Variants in SHISAL2A observed in about 807,000 individuals in gnomAD.
SHISAL2A encodes protein shisa-like-2A.
In SHISAL2A, 18 loss-of-function variants were observed where a neutral mutation model predicts 11.5. The observed-to-expected ratio is 1.57, with a 90% CI of 1.08 to 2.33. The LOEUF is 2.33. Ranked by LOEUF, SHISAL2A falls within the 30% of genes most tolerant of loss-of-function variation. SHISAL2A has a pLI of 0.00. For synonymous variants in SHISAL2A, 94 were observed against 99.6 expected, an observed-to-expected ratio of 0.94 and a Z score of 0.34; for missense variants, 261 against 250.9, an observed-to-expected ratio of 1.04 and a Z score of -0.27.
chr1:52,639,040 G>A (rs759022014), intron 1 of SHISAL2A, among the ~76,000 whole-genome samples: 6 of 152,154 alleles, frequency 3.9e-5, no homozygotes, highest in Non-Finnish European at 7.4e-5. Flanking sequence ...CGGTGTGGTG[G>A]CACATGCCTG....
intron 4 of SHISAL2A, among the ~76,000 whole-genome samples, chr1:52,663,044 G>C (rs1218747755): frequency 6.6e-6 from 1 of 152,108 alleles, no homozygotes; most frequent in Non-Finnish European, 1.5e-5. Context: ...CTCCAGCTCC[G>C]GGTTCTCAAG....
intron 4 of SHISAL2A, among the ~76,000 whole-genome samples, chr1:52,664,548 G>GA (rs1015851440): frequency 6.0e-5 from 7 of 116,388 alleles, no homozygotes; most frequent in African/African-American, 9.9e-5. Flanking sequence ...AGTAGAGACG[G>GA]GGTTTCTCCA....
At chr1:52,666,977 C>A (rs1447400040) in intron 4 of SHISAL2A, among the ~76,000 whole-genome samples, 1 of 152,246 alleles carries the variant, frequency 6.6e-6, no homozygotes, top group East Asian at 1.9e-4. Context: ...CCTCTGCTAA[C>A]TGCCACCAGA....
At chr1:52,646,081 AT>A (rs1691494385) in intron 2 of SHISAL2A, among the ~76,000 whole-genome samples, 1 of 152,214 alleles carries the variant, frequency 6.6e-6, no homozygotes, top group South Asian at 2.1e-4. Flanking sequence ...CTGAGTACAA[AT>A]TTGTTCCCCT....
At chr1:52,653,760 A>T (rs1005049753) in intron 2 of SHISAL2A, among the ~76,000 whole-genome samples, 1 of 151,762 alleles carries the variant, frequency 6.6e-6, no homozygotes, top group African/African-American at 2.4e-5. Flanking sequence ...TTTTTTTGAG[A>T]CAGGGCCTTG....
intron 1 of SHISAL2A, among the ~76,000 whole-genome samples, chr1:52,642,661 T>G (rs1691392429): frequency 6.6e-6 from 1 of 152,204 alleles, no homozygotes; most frequent in Non-Finnish European, 1.5e-5. Context: ...TGACCCTAAG[T>G]GATCTGCCCG....
intron 2 of SHISAL2A, among the ~76,000 whole-genome samples, chr1:52,656,499 G>A (rs145790676): frequency 6.6e-6 from 1 of 152,260 alleles, no homozygotes; most frequent in East Asian, 1.9e-4. Flanking sequence ...TCTATAAAAT[G>A]GATTTCTAAT....
intron 2 of SHISAL2A, among the ~76,000 whole-genome samples, chr1:52,655,176 A>G (rs180707580): frequency 6.6e-6 from 1 of 152,220 alleles, no homozygotes; most frequent in East Asian, 1.9e-4. Flanking sequence ...ACAGAGTGAT[A>G]TGTCTCAATA....
intron 4 of SHISAL2A, among the ~76,000 whole-genome samples, chr1:52,662,640 C>T (rs1299141061): frequency 2.0e-5 from 3 of 151,144 alleles, no homozygotes; most frequent in South Asian, 2.1e-4. Context: ...CGTGAGGTAC[C>T]GCCCCCCCAC....
rs559997951 is a variant in SHISAL2A, at chr1:52,665,385, A to C, written n.696-2014A>C. ...GAGGTCAAGGTCTGAAGGCCAGGGCAGGGTGGGGACAGAGGTCAGCAGGAG... is the reference window on the plus strand; with the variant it reads ...GAGGTCAAGGTCTGAAGGCCAGGGCCGGGTGGGGACAGAGGTCAGCAGGAG... On this transcript the variant is annotated intron_variant and non_coding_transcript_variant, in intron 4 of 5. Coordinates refer to the SHISAL2A transcript ENST00000401050. Among the ~76,000 whole-genome samples, 204 of 152,282 alleles carry C rather than the reference A, an allele frequency of 1.3e-3. 1 individual carries two copies. The highest frequency in any genetic ancestry group is 4.7e-3 in the African/African-American group (194 of 41,574).
In SHISAL2A at chr1:52,640,368, G is replaced by A. The variant is rs561911446; in HGVS notation, c.183-2495G>A. Reference sequence around the variant, plus strand: ...TGATGCCACCTATACCTTCTCATTGGGAGAGTGTTCCATAACACCTGACAC... The same window carrying A: ...TGATGCCACCTATACCTTCTCATTGAGAGAGTGTTCCATAACACCTGACAC... On this transcript the variant is annotated intron_variant, in intron 1 of 2. Coordinates refer to ENST00000517870, the MANE Select transcript of SHISAL2A (RefSeq NM_001042693.3). Among the ~76,000 whole-genome samples, 2 of 152,266 alleles carry A rather than the reference G, an allele frequency of 1.3e-5. 1 individual carries two copies. Among genetic ancestry groups the A allele is most frequent in the South Asian group, 4.1e-4 (2 of 4,826 alleles).
At chr1:52,644,127 A>ATC (rs1691437852) in intron 2 of SHISAL2A, among the ~76,000 whole-genome samples, 1 of 152,096 alleles carries the variant, frequency 6.6e-6, no homozygotes, top group African/African-American at 2.4e-5. Flanking sequence ...TACAGCTCAC[A>ATC]TCTGTCTGCC....
At chr1:52,658,817 C>T (rs1305618669), downstream of SHISAL2A, among the ~76,000 whole-genome samples, 1 of 152,196 alleles carries the variant, frequency 6.6e-6, no homozygotes, top group African/African-American at 2.4e-5. Flanking sequence ...TCAGCAGCCA[C>T]CAAAAGCAGC....
At chr1:52,664,791 C>A (rs1691978265) in intron 4 of SHISAL2A, among the ~76,000 whole-genome samples, 2 of 151,858 alleles carry the variant, frequency 1.3e-5, no homozygotes, top group African/African-American at 4.8e-5. Flanking sequence ...CCGCTGCACC[C>A]CGGCTATTTT....
chr1:52,664,945 C>A (rs551861425), intron 4 of SHISAL2A, among the ~76,000 whole-genome samples: 2 of 152,290 alleles, frequency 1.3e-5, no homozygotes, highest in East Asian at 1.9e-4. Flanking sequence ...CACACCACCA[C>A]GCCTAGCTAA....
intron 1 of SHISAL2A, among the ~76,000 whole-genome samples, chr1:52,637,885 G>A (rs1227523838): frequency 1.3e-5 from 2 of 151,990 alleles, no homozygotes; most frequent in East Asian, 1.9e-4. Context: ...TAAAATCCTC[G>A]AAGACTCGAG....
intron 2 of SHISAL2A, among the ~76,000 whole-genome samples, chr1:52,655,452 C>CAAAAAAAAAAAAAAAAAAAA (rs11346128): frequency 2.5e-5 from 1 of 40,128 alleles, no homozygotes; most frequent in Non-Finnish European, 4.5e-5. Flanking sequence ...CCTGTATCTA[C>CAAAAAAAAAAAAAAAAAAAA]AAAAAAAAAA....
At chr1:52,642,201 G>C (rs1038423159) in intron 1 of SHISAL2A, among the ~76,000 whole-genome samples, 1 of 152,066 alleles carries the variant, frequency 6.6e-6, no homozygotes, top group Non-Finnish European at 1.5e-5. Context: ...ACAGCAGTAT[G>C]GGGGGGTCCC....
intron 2 of SHISAL2A, among the ~76,000 whole-genome samples, chr1:52,643,712 G>C (rs1259888436): frequency 6.6e-6 from 1 of 152,136 alleles, no homozygotes; most frequent in Non-Finnish European, 1.5e-5. Context: ...AATTAGCCAG[G>C]CATGGTGGCA....
Sources: allele counts gnomAD v4.1 joint callset (sites outside exome capture counted in the v4.1 genomes callset), GRCh38; gene constraint gnomAD v4.1.1; transcripts MANE v1.5; gene names NCBI Gene and HGNC (gene_info 2026-07-23, HGNC 2026-07-21).